Variants in GABRB1 observed in about 807,000 individuals in gnomAD.
GABRB1 encodes the protein gamma-aminobutyric acid receptor subunit beta-1.
GABRB1 carries 17 observed loss-of-function variants against 51.6 expected under a neutral mutation model. The observed-to-expected ratio is 0.33, with a 90% CI of 0.23 to 0.49. The LOEUF (loss-of-function observed/expected upper bound fraction) is 0.49. GABRB1 is among the 20% of genes least tolerant of loss of function. The pLI, the probability that GABRB1 is intolerant of heterozygous loss-of-function variation, is 0.99. For missense variants in GABRB1, 410 were observed against 600.6 expected (o/e 0.68, Z 3.32); for synonymous variants, 247 against 218.9 (o/e 1.13, Z -1.14).
intron 3 of GABRB1, among the ~76,000 whole-genome samples, chr4:47,111,558 C>A (rs889563434): frequency 2.5e-4 from 38 of 152,010 alleles, no homozygotes; most frequent in African/African-American, 8.9e-4. Context: ...GTCAAAAATA[C>A]ATCCTTATTA....
chr4:47,239,422 G>A (rs1721442923), intron 4 of GABRB1, among the ~76,000 whole-genome samples: 1 of 152,066 alleles, frequency 6.6e-6, no homozygotes, highest in Admixed American at 6.5e-5. Flanking sequence ...AAATTTGCTT[G>A]TGAATGTCTT....
chr4:47,279,418 T>C (rs941636747), intron 4 of GABRB1, among the ~76,000 whole-genome samples: 23 of 152,196 alleles, frequency 1.5e-4, no homozygotes, highest in African/African-American at 5.1e-4. Context: ...TATTGCTTCA[T>C]GAAAATTTTG....
At chr4:47,187,095 C>T (rs968528705) in intron 4 of GABRB1, among the ~76,000 whole-genome samples, 3 of 151,840 alleles carry the variant, frequency 2.0e-5, no homozygotes, top group Non-Finnish European at 4.4e-5. Context: ...AGTGCTTTTA[C>T]ATTTAGGCAC....
At chr4:47,095,544 G>A (rs541400324) in intron 3 of GABRB1, among the ~76,000 whole-genome samples, 268 of 152,296 alleles carry the variant, frequency 1.8e-3, no homozygotes, top group Non-Finnish European at 3.1e-3. Context: ...TGTACCTACA[G>A]CCTTGGTGAG....
chr4:46,999,130 A>G (rs1724102590), intron 1 of GABRB1, among the ~76,000 whole-genome samples: 1 of 152,168 alleles, frequency 6.6e-6, no homozygotes, highest in Non-Finnish European at 1.5e-5. Flanking sequence ...TTTATGCATT[A>G]CCGATAGTGC....
intron 4 of GABRB1, among the ~76,000 whole-genome samples, chr4:47,294,387 C>T (rs981604198): frequency 2.6e-5 from 4 of 152,180 alleles, no homozygotes; most frequent in Admixed American, 6.5e-5. Flanking sequence ...CCTGGAAAAT[C>T]GGGTCACTCC....
chr4:47,123,806 ATATATTATATATTATAT>A (rs1469241852), intron 3 of GABRB1, among the ~76,000 whole-genome samples: 3 of 90,514 alleles, frequency 3.3e-5, no homozygotes, highest in East Asian at 2.9e-4. Context: ...ATTATATATC[ATATATTATATATTATAT>A]TATATTATAT....
intron 3 of GABRB1, among the ~76,000 whole-genome samples, chr4:47,110,069 G>C (rs1486567204): frequency 2.0e-5 from 3 of 152,164 alleles, no homozygotes; most frequent in Non-Finnish European, 2.9e-5. Context: ...ACCTAAAAAA[G>C]AGATGAATTT....
At chr4:47,331,974 T>A (rs1725501216) in intron 5 of GABRB1, among the ~76,000 whole-genome samples, 1 of 152,132 alleles carries the variant, frequency 6.6e-6, no homozygotes, top group South Asian at 2.1e-4. Flanking sequence ...TCACAAAACC[T>A]TTTTCTCTGG....
intron 3 of GABRB1, among the ~76,000 whole-genome samples, chr4:47,037,550 G>GTTTT (rs1266111690): frequency 3.7e-4 from 8 of 21,748 alleles, no homozygotes; most frequent in African/African-American, 4.9e-4. Context: ...TGTTGTTGTT[G>GTTTT]TTTTTTGTTT....
rs1726039332 is a variant in GABRB1, at chr4:47,045,446, AT to A, written c.240+12963del. On this transcript the variant is annotated intron_variant, in intron 3 of 8. Coordinates refer to ENST00000295454, the MANE Select transcript of GABRB1 (RefSeq NM_000812.4). ...TTAAAGCATAGTATTCTCCTTTATC[AT>A]CATCATCATCATCATCATCATCATC... Among the ~76,000 whole-genome samples, 3 of 560 alleles carry A rather than the reference AT, an allele frequency of 5.4e-3. No homozygotes were observed. In the Admixed American group the frequency reaches 0.068, roughly 13 times the overall value. 0.4% of individuals were successfully genotyped at this position (560 alleles called of 152,430 possible).
chr4:47,423,354 C>T (rs1273653700), intron 8 of GABRB1, among the ~76,000 whole-genome samples: 1 of 152,230 alleles, frequency 6.6e-6, no homozygotes, highest in Non-Finnish European at 1.5e-5. Context: ...CCTCCTTAGA[C>T]ATCTGCTCTC....
intron 3 of GABRB1, among the ~76,000 whole-genome samples, chr4:47,117,887 G>A (rs572964932): frequency 8.8e-4 from 134 of 152,142 alleles, no homozygotes; most frequent in Non-Finnish European, 9.6e-4. Context: ...GTACACAAGG[G>A]ACAATCAGTG....
Position 47,341,786 on chromosome 4 carries a change from A to G in GABRB1, c.544+21577A>G, listed in dbSNP as rs1201106741. The stretch of plus-strand genomic sequence containing the variant: ...ACAAATGAACAAATCTTCTTTGGAC[A>G]GAGCCCTTCCTTTCGTGAACATCCC... On this transcript the variant is annotated intron_variant, in intron 5 of 8. Coordinates refer to ENST00000295454, the MANE Select transcript of GABRB1 (RefSeq NM_000812.4). 3.9e-5 allele frequency among the ~76,000 whole-genome samples: 6 copies of G among 152,318 alleles called. No homozygotes were observed. The East Asian group carries it at 5.8e-4, about 15-fold the overall frequency.
chr4:47,411,286 A>G (rs189272270), intron 8 of GABRB1, among the ~76,000 whole-genome samples: 73 of 152,332 alleles, frequency 4.8e-4, no homozygotes, highest in African/African-American at 1.7e-3. Flanking sequence ...AAACTGTGGT[A>G]TATACACACT....
At chr4:47,339,726 A>G (rs1480093588) in intron 5 of GABRB1, among the ~76,000 whole-genome samples, 2 of 152,060 alleles carry the variant, frequency 1.3e-5, no homozygotes, top group African/African-American at 2.4e-5. Flanking sequence ...AGCCCAGACT[A>G]CATTATGGGC....
chr4:47,297,819 A>G (rs562922538), intron 4 of GABRB1, among the ~76,000 whole-genome samples: 36 of 152,352 alleles, frequency 2.4e-4, no homozygotes, highest in Admixed American at 3.9e-4. Flanking sequence ...AGAGAATTTT[A>G]GACCAATATC....
chr4:47,070,943 G>A (rs1400351130), intron 3 of GABRB1, among the ~76,000 whole-genome samples: 1 of 152,050 alleles, frequency 6.6e-6, no homozygotes, highest in Non-Finnish European at 1.5e-5. Flanking sequence ...CCATTTATTT[G>A]TCTAATACGC....
chr4:47,383,307 A>G (rs756705564), intron 5 of GABRB1, among the ~76,000 whole-genome samples: 4 of 152,218 alleles, frequency 2.6e-5, no homozygotes, highest in Non-Finnish European at 5.9e-5. Flanking sequence ...AGAGCTTGGT[A>G]GAATATGATT....
Sources: allele counts gnomAD v4.1 joint callset (sites outside exome capture counted in the v4.1 genomes callset), GRCh38; gene constraint gnomAD v4.1.1; transcripts MANE v1.5; gene names NCBI Gene and HGNC (gene_info 2026-07-23, HGNC 2026-07-21).